TANGO6: variants seen among roughly 807,000 people sequenced by gnomAD.
TANGO6 encodes the protein transport and Golgi organization protein 6 homolog.
Under a neutral mutation model 114.2 loss-of-function variants are expected in TANGO6, and 90 were observed. That is an observed-to-expected ratio of 0.79 (90% CI 0.66 to 0.94). The LOEUF (loss-of-function observed/expected upper bound fraction) is 0.94, where lower values mean the gene tolerates loss of function less well. TANGO6 is among the 40% of genes least tolerant of loss of function. The pLI is 0.00. For synonymous variants in TANGO6, 477 were observed against 509.8 expected (o/e 0.94, Z 0.87); for missense variants, 1,274 against 1,315.3 (o/e 0.97, Z 0.49).
chr16:68,972,507 C>G (rs1963717381), intron 14 of TANGO6, among the ~76,000 whole-genome samples: 1 of 152,156 alleles, frequency 6.6e-6, no homozygotes, highest in African/African-American at 2.4e-5. Context: ...CCCATCCTCT[C>G]TTTCTTAATT....
At chr16:68,846,475 T>G (rs1251379859) in intron 1 of TANGO6, 1 of 327,074 alleles carries the variant, frequency 3.1e-6, no homozygotes, top group Non-Finnish European at 5.9e-6. Flanking sequence ...TTCAAATAAT[T>G]ATGTACATTC....
At position 68,859,791 on chromosome 16, in the gene TANGO6, C is replaced by T. The variant is rs148719715; in HGVS notation, c.95-93C>T. On this transcript the variant is annotated intron_variant, in intron 1 of 17. Transcript: ENST00000261778. ...GCCAGTGACAGTGGCGCCCGGCCTG[C>T]GAGGATGAACTGGAGTAGGCAGGGC... 6.4e-3 allele frequency: 8,786 copies of T among 1,381,188 alleles called. 66 individuals are homozygous for T. In the Middle Eastern group the frequency reaches 0.08, roughly 13 times the overall value. 85.6% of individuals were successfully genotyped at this position (1,381,188 alleles called of 1,614,324 possible).
At chr16:68,972,878 C>CAGG (rs1204323354) in intron 14 of TANGO6, among the ~76,000 whole-genome samples, 1 of 152,066 alleles carries the variant, frequency 6.6e-6, no homozygotes, top group Non-Finnish European at 1.5e-5. Context: ...GTGAGGCCAC[C>CAGG]AGGAGGAGCA....
chr16:68,964,181 C>T (rs1259245982), intron 14 of TANGO6, among the ~76,000 whole-genome samples: 2 of 151,872 alleles, frequency 1.3e-5, no homozygotes, highest in Non-Finnish European at 2.9e-5. Context: ...AAATGGTAAA[C>T]ATTTGAGTGA....
chr16:69,059,354 G>A (rs1056957948), intron 17 of TANGO6, among the ~76,000 whole-genome samples: 3 of 151,848 alleles, frequency 2.0e-5, no homozygotes, highest in Non-Finnish European at 4.4e-5. Context: ...CTACAGGCGT[G>A]AGCCACCATG....
At chr16:68,973,295 T>C (rs1466195328) in intron 14 of TANGO6, among the ~76,000 whole-genome samples, 2 of 152,216 alleles carry the variant, frequency 1.3e-5, no homozygotes, top group Non-Finnish European at 2.9e-5. Flanking sequence ...TCACTGTTCT[T>C]TATAGTGTGT....
intron 15 of TANGO6, among the ~76,000 whole-genome samples, chr16:68,983,427 A>T (rs1963860093): frequency 6.6e-6 from 1 of 152,118 alleles, no homozygotes. Flanking sequence ...CAGTTCAGAA[A>T]CATTAATTGA....
chr16:69,062,663 G>A (rs1960138871), intron 17 of TANGO6, among the ~76,000 whole-genome samples: 1 of 151,126 alleles, frequency 6.6e-6, no homozygotes, highest in Admixed American at 6.6e-5. Flanking sequence ...AGTAGTGACA[G>A]GGTTTCACCA....
intron 17 of TANGO6, among the ~76,000 whole-genome samples, chr16:69,046,413 T>C (rs914834239): frequency 2.6e-5 from 4 of 151,824 alleles, no homozygotes; most frequent in South Asian, 2.1e-4. Context: ...TCTGCCTACC[T>C]ATTCAAGCGA....
Position 68,980,432 on chromosome 16 carries a change from TA to T in TANGO6, c.2842+6265del, listed in dbSNP as rs1470882512. On this transcript the variant is annotated intron_variant, in intron 15 of 17. Coordinates refer to ENST00000261778, the MANE Select transcript of TANGO6 (RefSeq NM_024562.2). ...CTCTATATATATATATATATATATA[TA>T]TATTTTTTTTTTTTTTTTTGAGATA... is the stretch of plus-strand genomic sequence containing the variant. Among the ~76,000 whole-genome samples the T allele has an allele frequency of 1.7e-3, 172 of 100,634 alleles. 1 individual carries two copies. The highest frequency in any genetic ancestry group is 5.3e-3 in the African/African-American group (125 of 23,368). 66.0% of individuals were successfully genotyped at this position (100,634 alleles called of 152,430 possible). A position where few individuals can be genotyped will look rare whatever the true frequency, so the allele number is the denominator to read the frequency against.
chr16:68,919,266 C>T (rs769054664), intron 12 of TANGO6, 47 bp downstream of exon 12: 14 of 1,592,636 alleles, frequency 8.8e-6, no homozygotes, highest in African/African-American at 6.7e-5. Context: ...AAGGGAGAAG[C>T]GAAATACCAG....
intron 15 of TANGO6, among the ~76,000 whole-genome samples, chr16:69,001,651 AATCAAGGATCCC>A (rs1964044359): frequency 6.6e-6 from 1 of 152,174 alleles, no homozygotes; most frequent in Non-Finnish European, 1.5e-5. Flanking sequence ...GATCCCCAAA[AATCAAGGATCCC>A]ATTTTTACAC....
chr16:68,986,006 G>A (rs942928756), intron 15 of TANGO6, among the ~76,000 whole-genome samples: 4 of 152,180 alleles, frequency 2.6e-5, no homozygotes, highest in Admixed American at 1.3e-4. Context: ...AGAGGGGAGA[G>A]AGGGACTGAG....
At chr16:68,906,276 C>G (rs1304613954) in intron 9 of TANGO6, among the ~76,000 whole-genome samples, 4 of 152,176 alleles carry the variant, frequency 2.6e-5, no homozygotes, top group African/African-American at 9.7e-5. Flanking sequence ...GTTCAACCTA[C>G]TCATTTTTCT....
intron 12 of TANGO6, among the ~76,000 whole-genome samples, chr16:68,921,039 G>C (rs1277780961): frequency 1.4e-5 from 2 of 147,512 alleles, no homozygotes; most frequent in Non-Finnish European, 3.0e-5. Context: ...GGAGGCGGAG[G>C]TTGCAGTGGG....
intron 17 of TANGO6, among the ~76,000 whole-genome samples, chr16:69,047,219 G>A (rs932718902): frequency 2.9e-4 from 43 of 150,488 alleles, no homozygotes; most frequent in African/African-American, 6.4e-4. Flanking sequence ...GGCTGGGCGC[G>A]GTGTCTCACA....
intron 11 of TANGO6, among the ~76,000 whole-genome samples, chr16:68,910,737 C>T (rs993387264): frequency 9.2e-5 from 14 of 152,050 alleles, no homozygotes; most frequent in Non-Finnish European, 1.9e-4. Flanking sequence ...AGTGCAGTGG[C>T]GCAGTCTCGG....
At chr16:69,045,519 G>A (rs1291096568) in intron 17 of TANGO6, among the ~76,000 whole-genome samples, 6 of 151,236 alleles carry the variant, frequency 4.0e-5, no homozygotes, top group Non-Finnish European at 4.4e-5. Flanking sequence ...CAAGGCGGGC[G>A]GATCACGAGT....
intron 15 of TANGO6, among the ~76,000 whole-genome samples, chr16:68,991,908 T>C (rs1017123227): frequency 8.6e-5 from 13 of 151,966 alleles, no homozygotes; most frequent in African/African-American, 3.1e-4. Flanking sequence ...CACAAAGAGA[T>C]GAGGATTTTG....
Sources: gnomAD v4.1 joint callset for allele counts (sites outside exome capture counted in the v4.1 genomes callset) on GRCh38, gnomAD v4.1.1 for gene constraint, MANE v1.5 for transcripts, NCBI Gene and HGNC (gene_info 2026-07-23, HGNC 2026-07-21) for gene names.